Variants in RARB observed in about 807,000 individuals in gnomAD.
RARB encodes the protein HBV-activated protein.
RARB carries 17 observed loss-of-function variants against 51.9 expected under a neutral mutation model. The ratio of observed to expected loss-of-function variants is 0.33; its 90% confidence interval spans 0.22 to 0.49. RARB has a LOEUF of 0.49. Ranked by LOEUF, RARB falls within the 20% of genes least tolerant of loss-of-function variation. The pLI is 0.99. For missense variants in RARB, 369 were observed against 550.8 expected (o/e 0.67, Z 3.30); for synonymous variants, 215 against 195.4 (o/e 1.10, Z -0.84).
At chr3:24,915,873 G>A (rs1174593423) in intron 2 of RARB, among the ~76,000 whole-genome samples, 8 of 152,110 alleles carry the variant, frequency 5.3e-5, no homozygotes, top group Non-Finnish European at 8.8e-5. Flanking sequence ...TGGGATTTCT[G>A]AAGCCAAGAA....
chr3:25,361,196 T>C (rs998407500), intron 5 of RARB, among the ~76,000 whole-genome samples: 5 of 152,256 alleles, frequency 3.3e-5, no homozygotes, highest in African/African-American at 1.2e-4. Context: ...CTTTTTTCTC[T>C]AATCTTGTCT....
chr3:25,192,346 GTTGACAATTT>G, intron 5 of RARB, among the ~76,000 whole-genome samples: 1 of 152,128 alleles, frequency 6.6e-6, no homozygotes, highest in East Asian at 1.9e-4. Flanking sequence ...AAAACTATTG[GTTGACAATTT>G]TGTGGTACTA....
chr3:24,954,106 T>C (rs936144810), intron 2 of RARB, among the ~76,000 whole-genome samples: 6 of 152,242 alleles, frequency 3.9e-5, no homozygotes, highest in African/African-American at 1.4e-4. Flanking sequence ...TGCCTCATTG[T>C]TTTCTGTTCC....
chr3:25,360,787 A>G (rs1471957964), intron 5 of RARB, among the ~76,000 whole-genome samples: 1 of 152,144 alleles, frequency 6.6e-6, no homozygotes, highest in African/African-American at 2.4e-5. Context: ...TCTTTTTTTA[A>G]GAAGGTTGAA....
At chr3:25,475,430 T>C (rs1403654339) in intron 2 of RARB, among the ~76,000 whole-genome samples, 1 of 152,122 alleles carries the variant, frequency 6.6e-6, no homozygotes, top group African/African-American at 2.4e-5. Flanking sequence ...AAAAAATCAC[T>C]ATAGATAAGT....
chr3:25,126,454 T>C (rs1297858802), intron 3 of RARB, among the ~76,000 whole-genome samples: 1 of 151,764 alleles, frequency 6.6e-6, no homozygotes, highest in Non-Finnish European at 1.5e-5. Context: ...TTTTTTTTTT[T>C]AAAGGTCACT....
chr3:25,158,989 C>T (rs1700425659), intron 4 of RARB, among the ~76,000 whole-genome samples: 1 of 151,546 alleles, frequency 6.6e-6, no homozygotes, highest in African/African-American at 2.4e-5. Flanking sequence ...TTCTACAGGC[C>T]AGAGCTCGGT....
intron 5 of RARB, among the ~76,000 whole-genome samples, chr3:25,395,474 C>T (rs1170217438): frequency 6.6e-6 from 1 of 152,168 alleles, no homozygotes; most frequent in South Asian, 2.1e-4. Flanking sequence ...AAATTTTCCT[C>T]AATTATTCCC....
intron 3 of RARB, among the ~76,000 whole-genome samples, chr3:25,501,963 GTA>G (rs1233550309): frequency 1.3e-5 from 2 of 152,238 alleles, no homozygotes; most frequent in Non-Finnish European, 2.9e-5. Flanking sequence ...TATAAAAAGA[GTA>G]TGTGTACACT....
chr3:25,035,145 A>G (rs1697959649), intron 2 of RARB, among the ~76,000 whole-genome samples: 1 of 152,180 alleles, frequency 6.6e-6, no homozygotes, highest in South Asian at 2.1e-4. Context: ...TATTTGAGAC[A>G]GGGTCTTACT....
rs578090421 is a variant in RARB at position 25,012,140 on chromosome 3, T to C, written c.-379-47985T>C. On this transcript the variant is annotated intron_variant, in intron 2 of 11. Coordinates refer to the RARB transcript ENST00000383772. ...GACAGATTAAATACATGTCTTCATG[T>C]CTCTGGATTACATTGACCCCACTAA... Among the ~76,000 whole-genome samples the C allele has an allele frequency of 6.1e-4, 93 of 152,186 alleles. 1 individual carries two copies. Among genetic ancestry groups the C allele is most frequent in the African/African-American group, 2.2e-3 (91 of 41,554 alleles).
chr3:25,206,698 G>C (rs984389674), intron 5 of RARB, among the ~76,000 whole-genome samples: 4 of 152,110 alleles, frequency 2.6e-5, no homozygotes, highest in Non-Finnish European at 5.9e-5. Context: ...AATTATGTTG[G>C]GGTTATTCTT....
intron 5 of RARB, among the ~76,000 whole-genome samples, chr3:25,361,275 A>G (rs1302929035): frequency 1.3e-5 from 2 of 152,252 alleles, no homozygotes; most frequent in South Asian, 2.1e-4. Flanking sequence ...CAATTCAGCT[A>G]TTGATACTTG....
At position 25,597,181 on chromosome 3, in the gene RARB, T is replaced by C. The variant is rs1331709086; in HGVS notation, c.*565T>C. The C allele has an allele frequency of 6.6e-6, 1 of 152,652 alleles. No homozygotes were observed. The highest frequency in any genetic ancestry group is 1.5e-5 in the Non-Finnish European group (1 of 68,040). 9.5% of individuals were successfully genotyped at this position (152,652 alleles called of 1,614,324 possible). On this transcript the variant is annotated 3_prime_UTR_variant, in exon 8 of 8. Coordinates refer to ENST00000330688, the MANE Select transcript of RARB (RefSeq NM_000965.5). Reference sequence around the variant, plus strand: ...GTATGACAAGATAAGGCTGAAGATATTCTACTTTAGTTAGTATGGAAGCTT... The same window carrying C: ...GTATGACAAGATAAGGCTGAAGATACTCTACTTTAGTTAGTATGGAAGCTT...
chr3:25,441,367 T>C, intron 1 of RARB: 1 of 279,096 alleles, frequency 3.6e-6, no homozygotes, highest in South Asian at 4.1e-5. Flanking sequence ...TCACTGGACT[T>C]CGTATAAAGC....
intron 2 of RARB, among the ~76,000 whole-genome samples, chr3:25,485,994 G>A (rs1056725094): frequency 2.0e-5 from 3 of 152,196 alleles, no homozygotes; most frequent in African/African-American, 7.2e-5. Context: ...GGGTTGCCAC[G>A]AATTATATTT....
rs1156958314 is a variant in RARB at position 24,890,766 on chromosome 3, C to T, written c.-380+32014C>T. ...ATAGAGGTCTCTGTTCTGTTCTTTCCTGGACAAAGAGTTTTTTGGGTGGGT... is the reference window on the plus strand; with the variant it reads ...ATAGAGGTCTCTGTTCTGTTCTTTCTTGGACAAAGAGTTTTTTGGGTGGGT... On this transcript the variant is annotated intron_variant, in intron 2 of 11. Transcript: ENST00000383772. Among the ~76,000 whole-genome samples, 6 of 152,058 alleles carry T rather than the reference C, an allele frequency of 3.9e-5. No individual in the cohort carries two copies. The South Asian group carries it at 1.0e-3, about 26-fold the overall frequency.
chr3:24,859,914 T>G (rs1312788052), intron 2 of RARB, among the ~76,000 whole-genome samples: 1 of 152,184 alleles, frequency 6.6e-6, no homozygotes, highest in Non-Finnish European at 1.5e-5. Flanking sequence ...TCAGGTGTTG[T>G]AAAATATATT....
chr3:25,055,731 T>C (rs1187348902), intron 2 of RARB, among the ~76,000 whole-genome samples: 1 of 152,064 alleles, frequency 6.6e-6, no homozygotes, highest in Non-Finnish European at 1.5e-5. Flanking sequence ...TTCGGTTTGA[T>C]CCTGCTCAGA....
Sources: gnomAD v4.1 joint callset for allele counts (sites outside exome capture counted in the v4.1 genomes callset) on GRCh38, gnomAD v4.1.1 for gene constraint, MANE v1.5 for transcripts, NCBI Gene and HGNC (gene_info 2026-07-23, HGNC 2026-07-21) for gene names.